The following LRIF1 variants were observed in gnomAD, a reference collection of about 807,000 sequenced individuals.
The protein encoded by LRIF1 is ligand dependent nuclear receptor interacting factor 1.
LRIF1 carries 32 observed loss-of-function variants against 52.7 expected under a neutral mutation model. That is an observed-to-expected ratio of 0.61 (90% confidence interval 0.46 to 0.82). LRIF1 has a LOEUF of 0.82. LRIF1 is among the 40% of genes least tolerant of loss of function. The pLI, the probability that LRIF1 is intolerant of heterozygous loss-of-function variation, is 0.00. For synonymous variants in LRIF1, 323 were observed against 317.4 expected (o/e 1.02, Z -0.19); for missense variants, 887 against 892.0 (o/e 0.99, Z 0.07).
chr1:110,886,871 T>TA, the LRIF1 span, among the ~76,000 whole-genome samples: 842 of 76,042 alleles, frequency 0.011, 15 homozygotes, highest in South Asian at 0.056. Flanking sequence ...ATATATATAT[T>TA]TTTTTTTTCT....
At chr1:110,959,169 A>T (rs2101121546) in intron 1 of LRIF1, among the ~76,000 whole-genome samples, 1 of 152,320 alleles carries the variant, frequency 6.6e-6, no homozygotes. Context: ...TGGTGTTCAA[A>T]CTGAGAAACT....
the LRIF1 span, chr1:110,894,490 T>C: frequency 2.0e-6 from 2 of 998,784 alleles, no homozygotes; most frequent in Non-Finnish European, 1.6e-6. Context: ...CAGAATAAGT[T>C]CTATAATAGA....
the LRIF1 span, among the ~76,000 whole-genome samples, chr1:110,904,552 C>A: frequency 9.2e-5 from 14 of 152,208 alleles, no homozygotes; most frequent in Admixed American, 5.2e-4. Flanking sequence ...AGTAGTACTT[C>A]TATGAGTCCA....
At chr1:110,894,933 C>T in the LRIF1 span, 12 of 1,568,900 alleles carry the variant, frequency 7.6e-6, no homozygotes, top group Non-Finnish European at 1.1e-5. Flanking sequence ...TTTACCATGT[C>T]TCCTCTGCTG....
chr1:110,886,869 A>ATATATATATATATATATATATT, the LRIF1 span, among the ~76,000 whole-genome samples: 1 of 82,778 alleles, frequency 1.2e-5, no homozygotes, highest in Non-Finnish European at 2.2e-5. Context: ...ATATATATAT[A>ATATATATATATATATATATATT]TTTTTTTTTT....
chr1:110,950,817 C>T (rs1043792752), intron 2 of LRIF1, among the ~76,000 whole-genome samples: 1 of 151,996 alleles, frequency 6.6e-6, no homozygotes, highest in Non-Finnish European at 1.5e-5. Flanking sequence ...TCACCTTTTC[C>T]ATGGTATACC....
intron 3 of LRIF1, 93 bp from the exon 4 acceptor site, chr1:110,948,492 A>G (rs1658308409): frequency 6.9e-7 from 1 of 1,458,088 alleles, no homozygotes; most frequent in South Asian, 1.5e-5. Context: ...GCAGAAACAA[A>G]TATCTAGCTA....
chr1:110,904,717 T>G, the LRIF1 span, among the ~76,000 whole-genome samples: 1 of 152,092 alleles, frequency 6.6e-6, no homozygotes, highest in Non-Finnish European at 1.5e-5. Flanking sequence ...TACCTAACTC[T>G]TCTATGCTCG....
the LRIF1 span, among the ~76,000 whole-genome samples, chr1:110,928,716 A>C: frequency 6.6e-6 from 1 of 152,266 alleles, no homozygotes; most frequent in African/African-American, 2.4e-5. Flanking sequence ...AACTTTCCAG[A>C]GAGTGAGGGG....
Position 110,963,785 on chromosome 1 carries a change from C to CAACTCCAGCCCAACA in LRIF1, c.-98_-97insTGTTGGGCTGGAGTT. 1 of 989,506 alleles carries CAACTCCAGCCCAACA rather than the reference C, an allele frequency of 1.0e-6. No individual in the cohort carries two copies. Among genetic ancestry groups the CAACTCCAGCCCAACA allele is most frequent in the Non-Finnish European group, 1.5e-6 (1 of 651,846 alleles). 61.3% of individuals were successfully genotyped at this position (989,506 alleles called of 1,614,324 possible). ...AGAACCAGAGCGAGGGAATGTTGGG[C>CAACTCCAGCCCAACA]TGGAGTTGCCCACAGCAACTGTGAG... On this transcript the variant is annotated 5_prime_UTR_variant, in exon 1 of 4. The change creates a new upstream start codon in the 5' untranslated region. Coordinates refer to ENST00000369763, the MANE Select transcript of LRIF1 (RefSeq NM_018372.4).
the LRIF1 span, among the ~76,000 whole-genome samples, chr1:110,878,925 T>A: frequency 6.6e-6 from 1 of 152,230 alleles, no homozygotes; most frequent in Non-Finnish European, 1.5e-5. Flanking sequence ...TACTTGCATT[T>A]ATTTATTTAT....
At chr1:110,905,918 T>G in the LRIF1 span, among the ~76,000 whole-genome samples, 1 of 152,210 alleles carries the variant, frequency 6.6e-6, no homozygotes, top group South Asian at 2.1e-4. Flanking sequence ...GAGGTTTTAT[T>G]AGTTTTCTTT....
the LRIF1 span, among the ~76,000 whole-genome samples, chr1:110,896,494 T>C: frequency 6.6e-6 from 1 of 152,164 alleles, no homozygotes; most frequent in Non-Finnish European, 1.5e-5. Context: ...TATAACAGAT[T>C]AGAAAGCACT....
At chr1:110,891,334 T>C in the LRIF1 span, 1 of 1,170,058 alleles carries the variant, frequency 8.5e-7, no homozygotes, top group Non-Finnish European at 1.3e-6. Flanking sequence ...TTGTGCACTC[T>C]GATCTCTGGC....
the LRIF1 span, among the ~76,000 whole-genome samples, chr1:110,879,687 A>G: frequency 6.6e-6 from 1 of 152,146 alleles, no homozygotes; most frequent in Non-Finnish European, 1.5e-5. Context: ...ATTGGATCAG[A>G]TAAGGCTGAA....
At chr1:110,954,690 T>A (rs576562916) in intron 1 of LRIF1, among the ~76,000 whole-genome samples, 2 of 152,208 alleles carry the variant, frequency 1.3e-5, no homozygotes, top group East Asian at 3.9e-4. Flanking sequence ...ATTTACCAAG[T>A]GTCTGTTTTA....
At chr1:110,919,057 T>A in the LRIF1 span, among the ~76,000 whole-genome samples, 2 of 152,196 alleles carry the variant, frequency 1.3e-5, no homozygotes, top group African/African-American at 4.8e-5. Context: ...GGTGGTTTCT[T>A]ATGAGTGGTA....
the LRIF1 span, among the ~76,000 whole-genome samples, chr1:110,883,478 T>A: frequency 6.6e-6 from 1 of 152,026 alleles, no homozygotes; most frequent in African/African-American, 2.4e-5. Context: ...AATTTTCACA[T>A]CTTGTTCTGA....
At chr1:110,910,372 G>C in the LRIF1 span, among the ~76,000 whole-genome samples, 2 of 152,172 alleles carry the variant, frequency 1.3e-5, no homozygotes, top group South Asian at 4.2e-4. Flanking sequence ...GCTGAGGTGG[G>C]TGGATCACCT....
Sources: gnomAD v4.1 joint callset for allele counts (sites outside exome capture counted in the v4.1 genomes callset) on GRCh38, gnomAD v4.1.1 for gene constraint, MANE v1.5 for transcripts, NCBI Gene and HGNC (gene_info 2026-07-23, HGNC 2026-07-21) for gene names.